The following ACAN variants were observed in gnomAD, a reference collection of about 807,000 sequenced individuals.
ACAN encodes the protein aggrecan, also known as aggrecan core protein.
ACAN carries 47 observed loss-of-function variants against 169.1 expected under a neutral mutation model. The ratio of observed to expected loss-of-function variants is 0.28; its 90% CI spans 0.22 to 0.35. The LOEUF is 0.35. Ranked by LOEUF, ACAN falls within the 10% of genes least tolerant of loss-of-function variation. The pLI, the probability that ACAN is intolerant of heterozygous loss-of-function variation, is 1.00. For missense variants in ACAN, 2,716 were observed against 2,759.9 expected, an observed-to-expected ratio of 0.98 and a Z score of 0.36; for synonymous variants, 1,115 against 1,112.2, an observed-to-expected ratio of 1.00 and a Z score of -0.05.
chr15:88,822,915 C>G (rs764339635), intron 1 of ACAN, among the ~76,000 whole-genome samples: 1 of 152,206 alleles, frequency 6.6e-6, no homozygotes, highest in Non-Finnish European at 1.5e-5. Flanking sequence ...AAGGATTGGA[C>G]TAGTCACCCC....
At chr15:88,840,607 G>C (rs1896628239) in intron 4 of ACAN, among the ~76,000 whole-genome samples, 1 of 152,116 alleles carries the variant, frequency 6.6e-6, no homozygotes, top group South Asian at 2.1e-4. Context: ...GTGAGGTGCA[G>C]AGCAGTCCAG....
intron 2 of ACAN, among the ~76,000 whole-genome samples, chr15:88,837,356 G>C (rs1420329129): frequency 6.6e-6 from 1 of 152,222 alleles, no homozygotes; most frequent in South Asian, 2.1e-4. Flanking sequence ...ATTTAAATCT[G>C]TGCTTTCAGG....
In ACAN at chr15:88,849,895, C is replaced by A; in HGVS notation, c.2026+164C>A. ...GAAACCAGCACAACGCAGGCTTTGA[C>A]CCCAAGGCAAGGTCATCCTTCTAAA... On this transcript the variant is annotated intron_variant, in intron 10 of 18. Transcript: ENST00000560601. This position sits in a 1 kb window ranked among gnomAD's most constrained non-coding sequence, Gnocchi z 5.1. 4 of 1,018,014 alleles carry A rather than the reference C, an allele frequency of 3.9e-6. No individual in the cohort carries two copies. The highest frequency in any genetic ancestry group is 2.6e-5 in the East Asian group (1 of 38,524). The allele number at this position is 1,018,014 out of a possible 1,614,324, so 63.1% of individuals were successfully genotyped here. A position where few individuals can be genotyped will look rare whatever the true frequency, so the allele number is the denominator to read the frequency against.
chr15:88,832,364 C>T (rs1276143975), intron 1 of ACAN, among the ~76,000 whole-genome samples: 1 of 149,958 alleles, frequency 6.7e-6, no homozygotes, highest in Non-Finnish European at 1.5e-5. Flanking sequence ...AATCCCAGCA[C>T]TTTGGGAGGC....
chr15:88,852,122 C>T, intron 11 of ACAN, 89 bp downstream of exon 11: 2 of 1,489,946 alleles, frequency 1.3e-6, no homozygotes, highest in South Asian at 1.3e-5. Context: ...GGGGTTCCCT[C>T]CCTGGGATTT....
chr15:88,804,152 G>A (rs1895616138), intron 1 of ACAN, among the ~76,000 whole-genome samples: 1 of 152,208 alleles, frequency 6.6e-6, no homozygotes, highest in African/African-American at 2.4e-5. Context: ...CAGAGTAGCA[G>A]CTTCAGAGTC....
chr15:88,859,191 G>A lies in ACAN; in HGVS notation c.6606G>A (p.Leu2202=), dbSNP rs906040089. ...ACAGGACTGAAATCAGCGGAGACCT[G>A]TCTGGTCACACCTCGCAGCTGGGCG... is the stretch of plus-strand genomic sequence containing the variant. ...SGDRTEISGD[L]SGHTSQLGVV... is the part of the protein sequence containing the mutation. The change falls in exon 12 of 19, where the codon CTG becomes CTA. Residue 2202 remains leucine, a synonymous_variant. Transcript: ENST00000560601. 3.1e-6 allele frequency: 5 copies of A among 1,613,772 alleles called. No homozygotes were observed. The Admixed American group carries it at 5.0e-5, about 16-fold the overall frequency.
At chr15:88,820,700 G>A (rs1230620013) in intron 1 of ACAN, among the ~76,000 whole-genome samples, 1 of 152,018 alleles carries the variant, frequency 6.6e-6, no homozygotes, top group African/African-American at 2.4e-5. Context: ...TGCAGATTCT[G>A]CATCCTCTCA....
At chr15:88,809,459 G>C (rs909750054) in intron 1 of ACAN, among the ~76,000 whole-genome samples, 3 of 152,200 alleles carry the variant, frequency 2.0e-5, no homozygotes, top group Non-Finnish European at 2.9e-5. Context: ...AGGCCTGTGG[G>C]GGTGCCTTGA....
chr15:88,825,889 ATTGT>A (rs1896205120), intron 1 of ACAN, among the ~76,000 whole-genome samples: 2 of 152,104 alleles, frequency 1.3e-5, no homozygotes, highest in South Asian at 4.1e-4. Flanking sequence ...CTCTGTTTTT[ATTGT>A]TTGACTAGCA....
intron 1 of ACAN, among the ~76,000 whole-genome samples, chr15:88,835,274 G>A (rs1896473011): frequency 6.6e-6 from 1 of 152,094 alleles, no homozygotes; most frequent in Non-Finnish European, 1.5e-5. Flanking sequence ...GCAGGCCCAA[G>A]TTTCATTAGG....
In ACAN at chr15:88,843,694, G is replaced by C. The variant is rs1433919053; in HGVS notation, c.1051+46G>C. 9 of 1,533,436 alleles carry C rather than the reference G, an allele frequency of 5.9e-6. No individual in the cohort carries two copies. 95.0% of individuals were successfully genotyped at this position (1,533,436 alleles called of 1,614,324 possible). On this transcript the variant is annotated intron_variant, in intron 6 of 18. Transcript: ENST00000560601. This position sits in a 1 kb window ranked among gnomAD's most constrained non-coding sequence, Gnocchi z 4.0. Reference sequence around the variant, plus strand: ...GGAAGGGAGTTCATGCCACTAAAATGGGGTCCTAGAGGGAAGAGGGGATCT... The same window carrying C: ...GGAAGGGAGTTCATGCCACTAAAATCGGGTCCTAGAGGGAAGAGGGGATCT...
rs1896925802 is a variant in ACAN, at chr15:88,851,353, A to G, written c.2027-441A>G. On this transcript the variant is annotated intron_variant, in intron 10 of 18. Coordinates refer to ENST00000560601, the MANE Select transcript of ACAN (RefSeq NM_001369268.1). The surrounding 1 kb of genome is among the most constrained non-coding windows in gnomAD (Gnocchi z 4.3). ...GTCCCCCAAGGTTGTTCAGTAGTTG[A>G]GAGCGTGGAGTCTGGTACCAGATGC... is the stretch of plus-strand genomic sequence containing the variant. 2 of 158,548 alleles carry G rather than the reference A, an allele frequency of 1.3e-5. No individual in the cohort carries two copies. The highest frequency in any genetic ancestry group is 4.8e-5 in the African/African-American group (2 of 41,564). 9.8% of individuals were successfully genotyped at this position (158,548 alleles called of 1,614,324 possible).
In ACAN at chr15:88,857,374, G is replaced by A. The variant is rs1446345401; in HGVS notation, c.4789G>A (p.Val1597Met). Reference protein sequence around the residue: ...SGLPSGKEDLVGSASGDLDLG... With the variant: ...SGLPSGKEDLMGSASGDLDLG... Reference sequence around the variant, plus strand: ...GTTGCCTTCTGGAAAAGAAGACTTGGTGGGGTCAGCTTCTGGAGACTTGGA... The same window carrying A: ...GTTGCCTTCTGGAAAAGAAGACTTGATGGGGTCAGCTTCTGGAGACTTGGA... Residue 1597 changes from valine (V) to methionine (M), a missense_variant, in exon 12 of 19, where the codon GTG becomes ATG. Coordinates refer to ENST00000560601, the MANE Select transcript of ACAN (RefSeq NM_001369268.1). The A allele has an allele frequency of 2.5e-6, 4 of 1,613,952 alleles. No individual in the cohort carries two copies. The East Asian group carries it at 6.7e-5, about 27-fold the overall frequency.
In ACAN at chr15:88,814,274, C is replaced by T. The variant is rs1234060216; in HGVS notation, c.-8+10465C>T. Among the ~76,000 whole-genome samples the T allele has an allele frequency of 6.6e-6, 1 of 152,222 alleles. No individual in the cohort carries two copies. The highest frequency in any genetic ancestry group is 1.5e-5 in the Non-Finnish European group (1 of 68,036). Reference sequence around the variant, plus strand: ...CTAAACCACAGTACCTCCCACAGAGCAAGGGCTCTCAAAACAGTAACTGCT... The same window carrying T: ...CTAAACCACAGTACCTCCCACAGAGTAAGGGCTCTCAAAACAGTAACTGCT... On this transcript the variant is annotated intron_variant, in intron 1 of 18. Coordinates refer to ENST00000560601, the MANE Select transcript of ACAN (RefSeq NM_001369268.1). This position sits in a 1 kb window ranked among gnomAD's most constrained non-coding sequence, Gnocchi z 4.0.
rs1344698529 is a variant in ACAN, at chr15:88,857,198, C to T, written c.4613C>T (p.Ser1538Phe). ...TCTGGAGAAGAAGTTCTAGAGATTT[C>T]TGCCTCTGGATTTGGGGACCTCAGT... is the stretch of plus-strand genomic sequence containing the variant. ...LPSGEEVLEISASGFGDLSGL... is the reference protein window; with the variant it reads ...LPSGEEVLEIFASGFGDLSGL... Residue 1538 changes from serine (S) to phenylalanine (F), a missense_variant, in exon 12 of 19, where the codon TCT (serine) becomes TTT (phenylalanine). By Grantham distance (155) the Ser-to-Phe change is radical (BLOSUM62 -2). Around this residue, in one of 3 missense-constraint regions of ACAN, gnomAD observed 1,389 missense variants for 1,363.7 expected, o/e 1.02. Transcript: ENST00000560601. The T allele has an allele frequency of 6.2e-7, 1 of 1,613,860 alleles. No homozygotes were observed. Among genetic ancestry groups the T allele is most frequent in the Admixed American group, 1.7e-5 (1 of 60,028 alleles).
chr15:88,817,467 A>G (rs1167138870), intron 1 of ACAN, among the ~76,000 whole-genome samples: 2 of 152,062 alleles, frequency 1.3e-5, no homozygotes, highest in African/African-American at 2.4e-5. Context: ...TTTAAAGGAT[A>G]TAAAATTCAC....
At chr15:88,811,524 G>C (rs1419021691) in intron 1 of ACAN, among the ~76,000 whole-genome samples, 1 of 152,172 alleles carries the variant, frequency 6.6e-6, no homozygotes, top group African/African-American at 2.4e-5. Context: ...GCCATGCTGG[G>C]TACTCATTTT....
rs1049178771 is a variant in ACAN, at chr15:88,870,255, G to T, written c.7061-1127G>T. Reference sequence around the variant, plus strand: ...TTCAGCCTAAGACTCCTTCCCCTCGGGTACTGGTCCTTCCATTCCAGGACA... The same window carrying T: ...TTCAGCCTAAGACTCCTTCCCCTCGTGTACTGGTCCTTCCATTCCAGGACA... On this transcript the variant is annotated intron_variant, in intron 14 of 18. Coordinates refer to ENST00000560601, the MANE Select transcript of ACAN (RefSeq NM_001369268.1). This position sits in a 1 kb window ranked among gnomAD's most constrained non-coding sequence, Gnocchi z 6.3. 6.6e-6 allele frequency among the ~76,000 whole-genome samples: 1 copy of T among 152,110 alleles called. No individual in the cohort carries two copies. Among genetic ancestry groups the T allele is most frequent in the African/African-American group, 2.4e-5 (1 of 41,422 alleles).
Sources: allele counts gnomAD v4.1 joint callset (sites outside exome capture counted in the v4.1 genomes callset), GRCh38; gene constraint gnomAD v4.1.1; regional missense constraint gnomAD v4.1.1; non-coding constraint Gnocchi (gnomAD v3.1); transcripts MANE v1.5; gene names NCBI Gene and HGNC (gene_info 2026-07-23, HGNC 2026-07-21).